Variants in ZNF678 observed in about 807,000 individuals in gnomAD.
The protein encoded by ZNF678 is hypothetical protein MGC42493.
Under a neutral mutation model 3.0 loss-of-function variants are expected in ZNF678, and 5 were observed. That is an observed-to-expected ratio of 1.69 (90% CI 0.88 to 3.56). The LOEUF is 3.56. Ranked by LOEUF, ZNF678 falls within the 30% of genes most tolerant of loss-of-function variation. ZNF678 has a pLI of 0.00. For missense variants in ZNF678, 593 were observed against 605.0 expected, an observed-to-expected ratio of 0.98 and a Z score of 0.21; for synonymous variants, 218 against 199.6, an observed-to-expected ratio of 1.09 and a Z score of -0.78.
intron 1 of ZNF678, among the ~76,000 whole-genome samples, chr1:227,610,890 C>G (rs1387354523): frequency 6.6e-6 from 1 of 152,186 alleles, no homozygotes; most frequent in East Asian, 1.9e-4. Context: ...CCCAGTCTGG[C>G]CCTTTTTCAA....
intron 2 of ZNF678, among the ~76,000 whole-genome samples, chr1:227,649,350 G>A (rs544274859): frequency 6.6e-6 from 1 of 152,044 alleles, no homozygotes; most frequent in Non-Finnish European, 1.5e-5. Flanking sequence ...TCTTCACATT[G>A]TGTGCTGTGT....
At chr1:227,604,018 A>C (rs1253583961) in intron 1 of ZNF678, among the ~76,000 whole-genome samples, 4 of 152,186 alleles carry the variant, frequency 2.6e-5, no homozygotes, top group Admixed American at 1.3e-4. Flanking sequence ...TATTTAATTC[A>C]TTTTGATGGC....
intron 1 of ZNF678, among the ~76,000 whole-genome samples, chr1:227,637,862 C>T (rs1019818738): frequency 9.9e-5 from 15 of 152,192 alleles, no homozygotes; most frequent in Middle Eastern, 3.4e-3. Flanking sequence ...TGTGAGCCCT[C>T]GGGTTCACGG....
intron 5 of ZNF678, among the ~76,000 whole-genome samples, chr1:227,675,652 A>G (rs1373458279): frequency 6.6e-6 from 1 of 151,430 alleles, no homozygotes; most frequent in African/African-American, 2.4e-5. Context: ...TTTTTTTTAC[A>G]TCTTTAAAAT....
intron 1 of ZNF678, among the ~76,000 whole-genome samples, chr1:227,580,015 T>G (rs1657085307): frequency 6.6e-6 from 1 of 152,160 alleles, no homozygotes; most frequent in African/African-American, 2.4e-5. Flanking sequence ...CCCTGCTAAC[T>G]CAAGTGTCTC....
At chr1:227,622,180 G>C (rs1293814432) in intron 1 of ZNF678, among the ~76,000 whole-genome samples, 1 of 152,144 alleles carries the variant, frequency 6.6e-6, no homozygotes, top group African/African-American at 2.4e-5. Flanking sequence ...GTGGTACTTA[G>C]AGACTTCATC....
At chr1:227,678,771 T>C (rs527786997), downstream of ZNF678, among the ~76,000 whole-genome samples, 3 of 152,278 alleles carry the variant, frequency 2.0e-5, no homozygotes, top group South Asian at 4.1e-4. Context: ...GTTAACTCAA[T>C]TGGAGTCCCT....
In ZNF678 at chr1:227,563,723, C is replaced by A; in HGVS notation, c.-165C>A. On this transcript the variant is annotated splice_region_variant and 5_prime_UTR_variant, in exon 1 of 4. Coordinates refer to ENST00000343776, the MANE Select transcript of ZNF678 (RefSeq NM_001367909.1). ...CCAGGACACCCCGAAAGCCGGAAAA[C>A]GGTGAGAGTTCCCGGGAGGGTGTTC... 7.5e-7 allele frequency: 1 copy of A among 1,327,314 alleles called. No homozygotes were observed. Among genetic ancestry groups the A allele is most frequent in the Non-Finnish European group, 1.0e-6 (1 of 1,000,298 alleles). 82.2% of individuals were successfully genotyped at this position (1,327,314 alleles called of 1,614,324 possible). A position where few individuals can be genotyped will look rare whatever the true frequency, so the allele number is the denominator to read the frequency against.
At chr1:227,667,242 C>A (rs1357458160), downstream of ZNF678, among the ~76,000 whole-genome samples, 1 of 151,978 alleles carries the variant, frequency 6.6e-6, no homozygotes. Flanking sequence ...TGCCATGTTG[C>A]CCAGGCTGGT....
intron 1 of ZNF678, among the ~76,000 whole-genome samples, chr1:227,581,789 AG>A (rs1657134379): frequency 6.6e-6 from 1 of 152,224 alleles, no homozygotes; most frequent in African/African-American, 2.4e-5. Flanking sequence ...AAAAAGTGCT[AG>A]ATTATAGGTT....
intron 1 of ZNF678, among the ~76,000 whole-genome samples, chr1:227,591,233 T>C (rs1453677261): frequency 2.7e-5 from 4 of 149,142 alleles, no homozygotes; most frequent in African/African-American, 1.0e-4. Context: ...AGTCCAGCTC[T>C]ATCAATTTTT....
At chr1:227,605,038 G>T (rs186401677) in intron 1 of ZNF678, among the ~76,000 whole-genome samples, 1 of 151,948 alleles carries the variant, frequency 6.6e-6, no homozygotes, top group Non-Finnish European at 1.5e-5. Flanking sequence ...TGTATTTTTA[G>T]TAGAGACCGG....
At chr1:227,587,134 T>C (rs146918967) in intron 1 of ZNF678, among the ~76,000 whole-genome samples, 1 of 152,332 alleles carries the variant, frequency 6.6e-6, no homozygotes, top group East Asian at 1.9e-4. Flanking sequence ...GAAAGAGAAG[T>C]GTTATGTCTT....
chr1:227,607,037 G>A (rs1657889638), intron 1 of ZNF678, among the ~76,000 whole-genome samples: 1 of 152,160 alleles, frequency 6.6e-6, no homozygotes, highest in Admixed American at 6.5e-5. Context: ...TATTTGGGAA[G>A]GGTTGATATT....
intron 1 of ZNF678, among the ~76,000 whole-genome samples, chr1:227,610,331 C>T (rs1461971592): frequency 6.6e-6 from 1 of 152,068 alleles, no homozygotes; most frequent in Non-Finnish European, 1.5e-5. Flanking sequence ...AGCCAGAAAA[C>T]AAGATAAACA....
Position 227,589,283 on chromosome 1 carries a change from A to T in ZNF678, c.-164+25559A>T, listed in dbSNP as rs569752074. On this transcript the variant is annotated intron_variant, in intron 1 of 3. Transcript: ENST00000343776. ...GTTTTTATAGTTTTGGGTTTTACAA[A>T]TGTAAAAGTCTTTAATCCATCTTGA... Among the ~76,000 whole-genome samples, 19 of 151,898 alleles carry T rather than the reference A, an allele frequency of 1.3e-4. 1 individual carries two copies. Among genetic ancestry groups the T allele is most frequent in the Non-Finnish European group, 2.1e-4 (14 of 67,966 alleles).
intron 1 of ZNF678, among the ~76,000 whole-genome samples, chr1:227,645,028 C>T (rs944260031): frequency 1.3e-5 from 2 of 152,124 alleles, no homozygotes; most frequent in Non-Finnish European, 2.9e-5. Flanking sequence ...TTTTTATTGT[C>T]GTAGCCAAAA....
intron 1 of ZNF678, among the ~76,000 whole-genome samples, chr1:227,637,566 A>C (rs778288442): frequency 1.2e-4 from 18 of 152,142 alleles, no homozygotes; most frequent in Admixed American, 5.2e-4. Context: ...ATGCAACTCC[A>C]TGCTGTTCAT....
chr1:227,673,852 G>A (rs1659638852), intron 5 of ZNF678, among the ~76,000 whole-genome samples: 1 of 152,282 alleles, frequency 6.6e-6, no homozygotes, highest in South Asian at 2.1e-4. Context: ...TACATATTTA[G>A]ATCAGAAATT....
Sources: allele counts gnomAD v4.1 joint callset (sites outside exome capture counted in the v4.1 genomes callset), GRCh38; gene constraint gnomAD v4.1.1; transcripts MANE v1.5; gene names NCBI Gene and HGNC (gene_info 2026-07-23, HGNC 2026-07-21).